Variants in UNK observed in about 807,000 individuals in gnomAD.
UNK encodes unk zinc finger.
UNK carries 32 observed loss-of-function variants against 97.6 expected under a neutral mutation model. The observed-to-expected ratio is 0.33, with a 90% CI of 0.25 to 0.44. The LOEUF is 0.44. UNK is among the 20% of genes least tolerant of loss of function. UNK has a pLI of 1.00. For synonymous variants in UNK, 441 were observed against 461.2 expected, an observed-to-expected ratio of 0.96 and a Z score of 0.56; for missense variants, 771 against 1,098.4, an observed-to-expected ratio of 0.70 and a Z score of 4.21.
At chr17:75,789,779 C>T (rs941779331) in intron 1 of UNK, among the ~76,000 whole-genome samples, 3 of 152,122 alleles carry the variant, frequency 2.0e-5, no homozygotes, top group Non-Finnish European at 4.4e-5. Context: ...GTAGCAATCA[C>T]GTCTCAAAAT....
At chr17:75,807,928 A>T (rs1249249461) in intron 1 of UNK, among the ~76,000 whole-genome samples, 2 of 152,216 alleles carry the variant, frequency 1.3e-5, no homozygotes, top group African/African-American at 4.8e-5. Flanking sequence ...TGTCCCATGC[A>T]ATATTTGAGA....
At chr17:75,821,478 G>A (rs2062067567) in intron 13 of UNK, 1 of 440,334 alleles carries the variant, frequency 2.3e-6, no homozygotes, top group Non-Finnish European at 4.6e-6. Flanking sequence ...CTTGCTGCAG[G>A]GCTGGTCTCA....
intron 1 of UNK, chr17:75,785,875 A>T (rs1327109618): frequency 6.6e-6 from 1 of 151,894 alleles, no homozygotes; most frequent in Non-Finnish European, 1.5e-5. Flanking sequence ...TCTCATCCCC[A>T]TGGGCTCCTG....
intron 1 of UNK, chr17:75,793,325 G>A (rs2061778803): frequency 8.0e-6 from 6 of 748,258 alleles, no homozygotes; most frequent in Non-Finnish European, 9.8e-6. Context: ...CAGGCCATGT[G>A]TTTTAGGCAT....
intron 1 of UNK, among the ~76,000 whole-genome samples, chr17:75,789,105 G>A (rs949191559): frequency 5.3e-5 from 8 of 151,862 alleles, no homozygotes; most frequent in African/African-American, 1.9e-4. Flanking sequence ...GGATAATTTT[G>A]TTGATTTTTT....
At chr17:75,820,834 C>T (rs1347846431) in intron 13 of UNK, among the ~76,000 whole-genome samples, 3 of 152,258 alleles carry the variant, frequency 2.0e-5, no homozygotes, top group South Asian at 2.1e-4. Context: ...GCTCCCTCCC[C>T]GAGAGTGCCA....
At position 75,817,028 on chromosome 17, in the gene UNK, G is replaced by C. The variant is rs1657568012; in HGVS notation, c.1104+116G>C. On this transcript the variant is annotated intron_variant, in intron 8 of 15. Coordinates refer to ENST00000589666, the MANE Select transcript of UNK (RefSeq NM_001080419.3). The surrounding 1 kb of genome is among the most constrained non-coding windows in gnomAD (Gnocchi z 5.8). ...CATCCTGGTATTTGTCCTCAGGCCA[G>C]GGGGATCTGTCTTTTCCATCTCAGC... 7.1e-7 allele frequency: 1 copy of C among 1,404,670 alleles called. No individual in the cohort carries two copies. Among genetic ancestry groups the C allele is most frequent in the Non-Finnish European group, 9.4e-7 (1 of 1,060,134 alleles). The allele number at this position is 1,404,670 out of a possible 1,614,324, so 87.0% of individuals were successfully genotyped here.
Position 75,817,081 on chromosome 17 carries a change from G to T in UNK, c.1104+169G>T, listed in dbSNP as rs1393152361. ...TCTTCGTCAAAAGTCCAGGCCCGGG[G>T]GTGGGGTAGGGCAGTCCCCAGAGCC... On this transcript the variant is annotated intron_variant, in intron 8 of 15. Coordinates refer to ENST00000589666, the MANE Select transcript of UNK (RefSeq NM_001080419.3). This position sits in a 1 kb window ranked among gnomAD's most constrained non-coding sequence, Gnocchi z 5.8. 1.4e-5 allele frequency among the ~76,000 whole-genome samples: 2 copies of T among 138,962 alleles called. No homozygotes were observed. The highest frequency in any genetic ancestry group is 3.2e-5 in the Non-Finnish European group (2 of 61,682). 91.2% of individuals were successfully genotyped at this position (138,962 alleles called of 152,430 possible). A position where few individuals can be genotyped will look rare whatever the true frequency, so the allele number is the denominator to read the frequency against.
chr17:75,807,961 T>A (rs1294113775), intron 1 of UNK, among the ~76,000 whole-genome samples: 1 of 152,224 alleles, frequency 6.6e-6, no homozygotes, highest in Non-Finnish European at 1.5e-5. Flanking sequence ...AAAATATTAT[T>A]CATTGCTTAT....
At position 75,796,765 on chromosome 17, in the gene UNK, T is replaced by C. The variant is rs1462677217; in HGVS notation, c.104+11781T>C. Among the ~76,000 whole-genome samples the C allele has an allele frequency of 2.6e-5, 4 of 152,228 alleles. No homozygotes were observed. The East Asian group carries it at 7.7e-4, about 29-fold the overall frequency. On this transcript the variant is annotated intron_variant, in intron 1 of 15. Transcript: ENST00000589666. ...AACTGATAATAGTTTACCTATCAGA[T>C]TTGCAAAAATAAGGAAAGATTTTTA...
At chr17:75,790,724 A>G (rs1472309604) in intron 1 of UNK, among the ~76,000 whole-genome samples, 1 of 152,120 alleles carries the variant, frequency 6.6e-6, no homozygotes, top group Non-Finnish European at 1.5e-5. Flanking sequence ...TGAGGTCAGG[A>G]GTTCGGGACC....
chr17:75,820,383 G>C (rs555486475), intron 13 of UNK, among the ~76,000 whole-genome samples: 1 of 152,234 alleles, frequency 6.6e-6, no homozygotes, highest in Non-Finnish European at 1.5e-5. Context: ...TGAAGTGCTA[G>C]GCACGAGGCC....
chr17:75,812,345 C>T (rs537760719), intron 3 of UNK, 57 bp downstream of exon 3: 8 of 1,582,076 alleles, frequency 5.1e-6, no homozygotes, highest in South Asian at 1.1e-5. Flanking sequence ...GGGCAGGGGC[C>T]TGGCGGCTAA....
intron 1 of UNK, among the ~76,000 whole-genome samples, chr17:75,799,021 G>A (rs919647832): frequency 5.3e-5 from 8 of 151,768 alleles, no homozygotes; most frequent in African/African-American, 9.7e-5. Flanking sequence ...AGCCGAGATC[G>A]GGCCACTGGA....
chr17:75,802,152 A>G (rs1025118078), intron 1 of UNK, among the ~76,000 whole-genome samples: 1 of 150,704 alleles, frequency 6.6e-6, no homozygotes, highest in Non-Finnish European at 1.5e-5. Flanking sequence ...CTGACCTAAA[A>G]ATTTTTTTCT....
chr17:75,796,780 A>G (rs1331910685), intron 1 of UNK, among the ~76,000 whole-genome samples: 4 of 152,262 alleles, frequency 2.6e-5, no homozygotes, highest in Admixed American at 2.6e-4. Flanking sequence ...AAAAATAAGG[A>G]AAGATTTTTA....
At chr17:75,788,740 T>A (rs929248586) in intron 1 of UNK, among the ~76,000 whole-genome samples, 3 of 151,954 alleles carry the variant, frequency 2.0e-5, no homozygotes, top group African/African-American at 7.3e-5. Flanking sequence ...TCTTGCTCTG[T>A]CACCCAGGCT....
At chr17:75,810,607 T>A (rs1228460917) in intron 2 of UNK, among the ~76,000 whole-genome samples, 1 of 152,114 alleles carries the variant, frequency 6.6e-6, no homozygotes, top group African/African-American at 2.4e-5. Context: ...TTAGACAGGG[T>A]CTCCCTCTTT....
chr17:75,792,640 A>G (rs181317873), intron 1 of UNK: 115 of 274,518 alleles, frequency 4.2e-4, no homozygotes, highest in African/African-American at 2.3e-3. Flanking sequence ...TCATCTTAAA[A>G]TACCTGCATA....
Sources: gnomAD v4.1 joint callset for allele counts (sites outside exome capture counted in the v4.1 genomes callset) on GRCh38, gnomAD v4.1.1 for gene constraint, Gnocchi (gnomAD v3.1) non-coding constraint, MANE v1.5 for transcripts, NCBI Gene and HGNC (gene_info 2026-07-23, HGNC 2026-07-21) for gene names.